RAI14: variants seen among roughly 807,000 people sequenced by gnomAD.
RAI14 encodes the protein ankycorbin.
A neutral mutation model predicts 115.4 loss-of-function variants in RAI14; 45 were observed. That is an observed-to-expected ratio of 0.39 (90% CI 0.31 to 0.50). RAI14 has a LOEUF of 0.50. RAI14 is among the 20% of genes least tolerant of loss of function. The pLI is 0.85. For synonymous variants in RAI14, 371 were observed against 415.4 expected, an observed-to-expected ratio of 0.89 and a Z score of 1.30; for missense variants, 939 against 1,131.2, an observed-to-expected ratio of 0.83 and a Z score of 2.44.
At chr5:34,774,438 TA>T (rs945551452) in intron 3 of RAI14, among the ~76,000 whole-genome samples, 57 of 151,724 alleles carry the variant, frequency 3.8e-4, no homozygotes, top group Non-Finnish European at 7.5e-4. Flanking sequence ...AAAATCAACA[TA>T]AAAAATCAGT....
At position 34,810,745 on chromosome 5, in the gene RAI14, CCAAA is replaced by C. The variant is rs1755484012; in HGVS notation, c.451-264_451-261del. ...GTGTTCTGTCCTCTCTCACAGTCAC[CCAAA>C]CAGTGATAGCCAAGGGCATAAGCAG... On this transcript the variant is annotated intron_variant, in intron 7 of 17. Coordinates refer to ENST00000265109, the MANE Select transcript of RAI14 (RefSeq NM_015577.3). Among the ~76,000 whole-genome samples the C allele has an allele frequency of 2.0e-5, 3 of 151,964 alleles. No individual in the cohort carries two copies. The South Asian group carries it at 6.2e-4, about 32-fold the overall frequency.
intron 3 of RAI14, among the ~76,000 whole-genome samples, chr5:34,795,563 A>G (rs1489484723): frequency 6.6e-6 from 1 of 152,236 alleles, no homozygotes; most frequent in Non-Finnish European, 1.5e-5. Flanking sequence ...TGAAAACACT[A>G]GACAATAGGA....
chr5:34,692,392 G>A (rs145028841), intron 2 of RAI14, among the ~76,000 whole-genome samples: 16 of 151,594 alleles, frequency 1.1e-4, no homozygotes, highest in African/African-American at 2.4e-4. Context: ...TCCTCCTTTC[G>A]TCACCACACA....
intron 3 of RAI14, among the ~76,000 whole-genome samples, chr5:34,760,707 C>T (rs968932461): frequency 6.6e-6 from 1 of 152,218 alleles, no homozygotes; most frequent in Admixed American, 6.5e-5. Flanking sequence ...ATATTTATTA[C>T]ATGTGTTCTC....
chr5:34,800,640 G>A, intron 4 of RAI14, among the ~76,000 whole-genome samples: 1 of 152,126 alleles, frequency 6.6e-6, no homozygotes. Flanking sequence ...ATACTTTTCT[G>A]CTGCTCGTTA....
intron 1 of RAI14, among the ~76,000 whole-genome samples, chr5:34,666,514 C>G (rs1195279703): frequency 6.6e-6 from 1 of 152,192 alleles, no homozygotes; most frequent in Non-Finnish European, 1.5e-5. Flanking sequence ...AGGAACTGAC[C>G]CTCAGCTGGA....
At chr5:34,747,725 T>A (rs1746472298) in intron 2 of RAI14, among the ~76,000 whole-genome samples, 1 of 152,174 alleles carries the variant, frequency 6.6e-6, no homozygotes, top group South Asian at 2.1e-4. Context: ...AATTTAAAAT[T>A]CTTAAAGAGG....
At chr5:34,679,213 G>A (rs963489740) in intron 1 of RAI14, among the ~76,000 whole-genome samples, 1 of 152,226 alleles carries the variant, frequency 6.6e-6, no homozygotes, top group Non-Finnish European at 1.5e-5. Context: ...AGACCTGGAT[G>A]TGAGTAAGAG....
At chr5:34,797,018 T>TCTTAC (rs1402220088) in intron 4 of RAI14, among the ~76,000 whole-genome samples, 4 of 152,146 alleles carry the variant, frequency 2.6e-5, no homozygotes, top group Non-Finnish European at 5.9e-5. Context: ...GGTAGCGTAG[T>TCTTAC]CTTACCTTGT....
intron 12 of RAI14, 136 bp downstream of exon 12, chr5:34,814,805 C>T: frequency 1.5e-6 from 1 of 675,708 alleles, no homozygotes. Flanking sequence ...ATGAAGTACC[C>T]CTTGATTATT....
chr5:34,812,521 C>T (rs778696861), intron 10 of RAI14, among the ~76,000 whole-genome samples: 30 of 151,914 alleles, frequency 2.0e-4, no homozygotes, highest in Non-Finnish European at 3.8e-4. Flanking sequence ...CAATATTAGC[C>T]GGGCATGGTG....
At chr5:34,744,778 G>A (rs890462572) in intron 2 of RAI14, among the ~76,000 whole-genome samples, 1 of 152,144 alleles carries the variant, frequency 6.6e-6, no homozygotes, top group African/African-American at 2.4e-5. Flanking sequence ...CCACAAACTG[G>A]GTGGCTTAAA....
intron 3 of RAI14, among the ~76,000 whole-genome samples, chr5:34,767,403 G>C (rs962000898): frequency 6.6e-6 from 1 of 152,106 alleles, no homozygotes; most frequent in Non-Finnish European, 1.5e-5. Flanking sequence ...CCACAGCAGC[G>C]AGCGACCTGC....
At chr5:34,826,563 C>T (rs1481472492) in intron 16 of RAI14, 84 bp downstream of exon 16, 11 of 1,482,460 alleles carry the variant, frequency 7.4e-6, no homozygotes, top group Admixed American at 6.5e-5. Context: ...GGCAAGTGGG[C>T]GTGAACAAAA....
At chr5:34,767,410 C>G (rs1476596596) in intron 3 of RAI14, among the ~76,000 whole-genome samples, 1 of 152,094 alleles carries the variant, frequency 6.6e-6, no homozygotes, top group East Asian at 1.9e-4. Context: ...AGCGAGCGAC[C>G]TGCACTCAGC....
intron 3 of RAI14, among the ~76,000 whole-genome samples, chr5:34,793,968 G>T (rs1224950481): frequency 6.6e-6 from 1 of 152,148 alleles, no homozygotes; most frequent in Non-Finnish European, 1.5e-5. Context: ...CTAAGGCTGG[G>T]AAACTTTTAG....
At chr5:34,729,846 GA>G (rs1254798763) in intron 2 of RAI14, among the ~76,000 whole-genome samples, 2 of 152,160 alleles carry the variant, frequency 1.3e-5, no homozygotes, top group Non-Finnish European at 2.9e-5. Flanking sequence ...ATCAAACCAA[GA>G]AAAATTCATG....
At position 34,814,606 on chromosome 5, in the gene RAI14, A is replaced by G; in HGVS notation, c.876A>G (p.Arg292=). 1 of 1,613,462 alleles carries G rather than the reference A, an allele frequency of 6.2e-7. No homozygotes were observed. The highest frequency in any genetic ancestry group is 1.3e-5 in the African/African-American group (1 of 75,006). ...AGTTGAGTGATGTCTCTTCCCCAAG[A>G]TCAATAACTTCGACTCCACTATCGG... ...PTQLSDVSSP[R]SITSTPLSGK... is the part of the protein sequence containing the mutation. The change falls in exon 12 of 18, where the codon AGA becomes AGG. Residue 292 remains arginine (R), a synonymous_variant. Coordinates refer to ENST00000265109, the MANE Select transcript of RAI14 (RefSeq NM_015577.3).
At chr5:34,807,078 C>T (rs10472938) in intron 5 of RAI14, among the ~76,000 whole-genome samples, 8,352 of 152,180 alleles carry the variant, frequency 0.055, 248 homozygotes, top group African/African-American at 0.093. Context: ...TTATTGTTGT[C>T]ACTGTTAGGA....
Sources: allele counts gnomAD v4.1 joint callset (sites outside exome capture counted in the v4.1 genomes callset), GRCh38; gene constraint gnomAD v4.1.1; transcripts MANE v1.5; gene names NCBI Gene and HGNC (gene_info 2026-07-23, HGNC 2026-07-21).